SLC23A2: variants seen among roughly 807,000 people sequenced by gnomAD.
SLC23A2 encodes the protein Na(+)/L-ascorbic acid transporter 2.
SLC23A2 carries 36 observed loss-of-function variants against 73.3 expected under a neutral mutation model. The ratio of observed to expected loss-of-function variants is 0.49; its 90% CI spans 0.38 to 0.65. The LOEUF (loss-of-function observed/expected upper bound fraction) is 0.65. Among genes scored for constraint, SLC23A2 ranks in the 30% least tolerant of loss-of-function variants. The pLI, the probability that SLC23A2 is intolerant of heterozygous loss-of-function variation, is 0.00. For missense variants in SLC23A2, 507 were observed against 841.6 expected (o/e 0.60, Z 4.92); for synonymous variants, 343 against 327.3 (o/e 1.05, Z -0.52).
intron 2 of SLC23A2, among the ~76,000 whole-genome samples, chr20:4,968,972 T>C (rs2087518930): frequency 6.6e-6 from 1 of 152,126 alleles, no homozygotes; most frequent in Non-Finnish European, 1.5e-5. Context: ...CCACCCACCT[T>C]GGCCTCCCAA....
rs1426922150 is a variant in SLC23A2, at chr20:4,954,859, T to C, written c.-155+15934A>G. Among the ~76,000 whole-genome samples the C allele has an allele frequency of 2.6e-5, 4 of 152,110 alleles. 1 individual carries two copies. The highest frequency in any genetic ancestry group is 5.9e-5 in the Non-Finnish European group (4 of 68,030). ...ACCAAAGGCAATGAGATACATAACC[T>C]GAATGACACCCAGAGGGGTGCCCTT... On this transcript the variant is annotated intron_variant, in intron 2 of 16. Coordinates refer to ENST00000338244, the MANE Select transcript of SLC23A2 (RefSeq NM_005116.6).
At position 4,874,710 on chromosome 20, in the gene SLC23A2, G is replaced by A; in HGVS notation, c.825-14C>T. 2 of 1,572,856 alleles carry A rather than the reference G, an allele frequency of 1.3e-6. No homozygotes were observed. On this transcript the variant is annotated splice_polypyrimidine_tract_variant and intron_variant, in intron 9 of 16. Coordinates refer to ENST00000338244, the MANE Select transcript of SLC23A2 (RefSeq NM_005116.6). ...AGGAATATTGTCCTGAGGAGAGAAA[G>A]AAAACAAACTAGGTCAAAAGCTGTT...
At chr20:4,881,391 A>G (rs1366599336) in intron 9 of SLC23A2, among the ~76,000 whole-genome samples, 1 of 152,120 alleles carries the variant, frequency 6.6e-6, no homozygotes, top group Non-Finnish European at 1.5e-5. Flanking sequence ...GTGTGGAGGC[A>G]CCCCCATACT....
At chr20:4,928,459 A>C (rs1374799093) in intron 3 of SLC23A2, among the ~76,000 whole-genome samples, 1 of 152,080 alleles carries the variant, frequency 6.6e-6, no homozygotes, top group Non-Finnish European at 1.5e-5. Context: ...TATGTAATCT[A>C]CTTTATCTTG....
intron 4 of SLC23A2, among the ~76,000 whole-genome samples, chr20:4,904,957 T>A (rs1226796696): frequency 6.6e-6 from 1 of 151,796 alleles, no homozygotes; most frequent in South Asian, 2.1e-4. Flanking sequence ...CTACTAAAAA[T>A]ACAAAAATTA....
intron 4 of SLC23A2, among the ~76,000 whole-genome samples, chr20:4,909,092 A>C (rs1051618078): frequency 6.6e-6 from 1 of 152,318 alleles, no homozygotes; most frequent in African/African-American, 2.4e-5. Flanking sequence ...AATACAGTAA[A>C]ATGTTAACAT....
At chr20:4,942,258 G>C (rs1397272148) in intron 2 of SLC23A2, among the ~76,000 whole-genome samples, 6 of 151,840 alleles carry the variant, frequency 4.0e-5, no homozygotes, top group East Asian at 1.9e-4. Context: ...TTTCAGAAGA[G>C]AGTGGAGAAA....
In SLC23A2 at chr20:4,853,692, C is replaced by T. The variant is rs1131382; in HGVS notation, c.*3280G>A. 83,897 of 152,432 alleles carry T rather than the reference C, an allele frequency of 0.55. 24,084 individuals are homozygous for T. Among genetic ancestry groups the T allele is most frequent in the African/African-American group, 0.71 (29,500 of 41,456 alleles). The allele number at this position is 152,432 out of a possible 1,614,324, so 9.4% of individuals were successfully genotyped here. A position where few individuals can be genotyped will look rare whatever the true frequency, so the allele number is the denominator to read the frequency against. Reference sequence around the variant, plus strand: ...CATCATGAAAGTCGGTATTCTACAGCATAAAGCAAAACCTCTGTGCGAATT... The same window carrying T: ...CATCATGAAAGTCGGTATTCTACAGTATAAAGCAAAACCTCTGTGCGAATT... On this transcript the variant is annotated 3_prime_UTR_variant, in exon 17 of 17. Transcript: ENST00000338244.
In SLC23A2 at chr20:4,855,264, G is replaced by C. The variant is rs1162689213; in HGVS notation, c.*1708C>G. The C allele has an allele frequency of 6.6e-6, 1 of 152,352 alleles. No homozygotes were observed. Among genetic ancestry groups the C allele is most frequent in the African/African-American group, 2.4e-5 (1 of 41,460 alleles). The allele number at this position is 152,352 out of a possible 1,614,324, so 9.4% of individuals were successfully genotyped here. A position where few individuals can be genotyped will look rare whatever the true frequency, so the allele number is the denominator to read the frequency against. On this transcript the variant is annotated 3_prime_UTR_variant, in exon 17 of 17. Coordinates refer to ENST00000338244, the MANE Select transcript of SLC23A2 (RefSeq NM_005116.6). Reference sequence around the variant, plus strand: ...GCAAAGACAGCGCCGCAGCACTGGAGAGCTGAGCCAGCCTGGGGCCGAGGG... The same window carrying C: ...GCAAAGACAGCGCCGCAGCACTGGACAGCTGAGCCAGCCTGGGGCCGAGGG...
chr20:4,868,074 T>A lies in SLC23A2; in HGVS notation c.1251-199A>T, dbSNP rs1930278786. ...TGCTGAAGCAGAAAAGAATCTGCATTTTTTTTTTTTTTTTTTTTTTTTTTA... is the reference window on the plus strand; with the variant it reads ...TGCTGAAGCAGAAAAGAATCTGCATATTTTTTTTTTTTTTTTTTTTTTTTA... On this transcript the variant is annotated intron_variant, in intron 12 of 16. Coordinates refer to ENST00000338244, the MANE Select transcript of SLC23A2 (RefSeq NM_005116.6). This position sits in a 1 kb window ranked among gnomAD's most constrained non-coding sequence, Gnocchi z 4.4. Among the ~76,000 whole-genome samples the A allele has an allele frequency of 1.7e-5, 1 of 59,014 alleles. No homozygotes were observed. Among genetic ancestry groups the A allele is most frequent in the Non-Finnish European group, 3.2e-5 (1 of 31,466 alleles). The allele number at this position is 59,014 out of a possible 152,430, so 38.7% of individuals were successfully genotyped here. A position where few individuals can be genotyped will look rare whatever the true frequency, so the allele number is the denominator to read the frequency against.
chr20:4,927,660 C>T (rs1356444409), intron 3 of SLC23A2, among the ~76,000 whole-genome samples: 1 of 152,204 alleles, frequency 6.6e-6, no homozygotes, highest in East Asian at 1.9e-4. Context: ...TTCATATTTT[C>T]TCCAAAGCCA....
At chr20:4,990,991 A>AC (rs1371238486) in intron 1 of SLC23A2, among the ~76,000 whole-genome samples, 3 of 150,910 alleles carry the variant, frequency 2.0e-5, no homozygotes, top group Non-Finnish European at 4.4e-5. Context: ...AAAAAAAAAA[A>AC]CAACCCACAG....
At chr20:4,931,488 G>A (rs1348373789) in intron 3 of SLC23A2, among the ~76,000 whole-genome samples, 1 of 152,156 alleles carries the variant, frequency 6.6e-6, no homozygotes, top group African/African-American at 2.4e-5. Flanking sequence ...CAGGTGTGGT[G>A]GCTCATGCTT....
intron 1 of SLC23A2, among the ~76,000 whole-genome samples, chr20:5,007,117 A>G (rs765562847): frequency 6.6e-6 from 1 of 152,168 alleles, no homozygotes; most frequent in Non-Finnish European, 1.5e-5. Flanking sequence ...TATAGCATGT[A>G]TACCACGTAG....
chr20:4,902,662 G>A lies in SLC23A2; in HGVS notation c.208-104C>T, dbSNP rs1931794325. 26 of 590,128 alleles carry A rather than the reference G, an allele frequency of 4.4e-5. No homozygotes were observed. Among genetic ancestry groups the A allele is most frequent in the Middle Eastern group, 4.7e-4 (1 of 2,132 alleles). 36.6% of individuals were successfully genotyped at this position (590,128 alleles called of 1,614,324 possible). ...TACAGAAAAACAACTTTATCAAGTG[G>A]TTGCCATCTTCCTGCAGTTTTGAGC... On this transcript the variant is annotated intron_variant, in intron 4 of 16. Coordinates refer to ENST00000338244, the MANE Select transcript of SLC23A2 (RefSeq NM_005116.6). The surrounding 1 kb of genome is among the most constrained non-coding windows in gnomAD (Gnocchi z 4.0).
chr20:4,959,633 G>A (rs138392468), intron 2 of SLC23A2, among the ~76,000 whole-genome samples: 3 of 151,812 alleles, frequency 2.0e-5, no homozygotes, highest in African/African-American at 7.2e-5. Flanking sequence ...AAGTAGATGG[G>A]ACTATAGGTG....
chr20:4,934,980 G>A (rs1377532201), intron 2 of SLC23A2, among the ~76,000 whole-genome samples: 2 of 151,876 alleles, frequency 1.3e-5, no homozygotes, highest in Non-Finnish European at 2.9e-5. Flanking sequence ...AAGGTCAGGA[G>A]ATTGAGACCA....
chr20:4,880,843 C>T (rs1277644223), intron 9 of SLC23A2, among the ~76,000 whole-genome samples: 1 of 151,874 alleles, frequency 6.6e-6, no homozygotes, highest in Non-Finnish European at 1.5e-5. Context: ...AGTAAGAAAA[C>T]CCCAAAGCTT....
At chr20:4,936,382 T>C (rs1176248855) in intron 2 of SLC23A2, among the ~76,000 whole-genome samples, 1 of 152,196 alleles carries the variant, frequency 6.6e-6, no homozygotes, top group African/African-American at 2.4e-5. Context: ...CAATAAGCTC[T>C]TTGTCCCACA....
Sources: allele counts gnomAD v4.1 joint callset (sites outside exome capture counted in the v4.1 genomes callset), GRCh38; gene constraint gnomAD v4.1.1; non-coding constraint Gnocchi (gnomAD v3.1); transcripts MANE v1.5; gene names NCBI Gene and HGNC (gene_info 2026-07-23, HGNC 2026-07-21).